PDE3A: variants seen among roughly 807,000 people sequenced by gnomAD.
The protein encoded by PDE3A is phosphodiesterase 3A, also known as cGMP-inhibited 3',5'-cyclic phosphodiesterase 3A.
In PDE3A, 43 loss-of-function variants were observed where a neutral mutation model predicts 98.3. The ratio of observed to expected loss-of-function variants is 0.44; its 90% CI spans 0.34 to 0.56. PDE3A has a LOEUF of 0.56. Ranked by LOEUF, PDE3A falls within the 20% of genes least tolerant of loss-of-function variation. The pLI is 0.01. For missense variants in PDE3A, 1,427 were observed against 1,440.7 expected, an observed-to-expected ratio of 0.99 and a Z score of 0.15; for synonymous variants, 663 against 567.9, an observed-to-expected ratio of 1.17 and a Z score of -2.38.
intron 1 of PDE3A, among the ~76,000 whole-genome samples, chr12:20,545,885 A>G (rs938689747): frequency 5.3e-5 from 8 of 152,020 alleles, no homozygotes; most frequent in Non-Finnish European, 4.4e-5. Context: ...TGTATTTTGT[A>G]TAATGTAATG....
intron 1 of PDE3A, among the ~76,000 whole-genome samples, chr12:20,404,284 T>C (rs1238344019): frequency 6.6e-6 from 1 of 152,152 alleles, no homozygotes; most frequent in Non-Finnish European, 1.5e-5. Context: ...GGATATATTA[T>C]TATTTTTTCC....
intron 1 of PDE3A, among the ~76,000 whole-genome samples, chr12:20,429,230 T>C (rs1017479394): frequency 6.6e-6 from 1 of 152,176 alleles, no homozygotes; most frequent in Non-Finnish European, 1.5e-5. Context: ...TCCTCAATCC[T>C]GTAAAGTTGA....
chr12:20,386,039 A>AAATATATAT (rs1943761888), intron 1 of PDE3A, among the ~76,000 whole-genome samples: 5 of 80,672 alleles, frequency 6.2e-5, no homozygotes, highest in African/African-American at 2.6e-4. Context: ...AAATATATAT[A>AAATATATAT]AAATATATAT....
intron 6 of PDE3A, 71 bp downstream of exon 6, chr12:20,630,198 C>A: frequency 9.1e-7 from 1 of 1,099,198 alleles, no homozygotes; most frequent in Non-Finnish European, 1.4e-6. Flanking sequence ...ATACCTACCA[C>A]CAGCCCACGC....
At chr12:20,650,639 A>G in intron 14 of PDE3A, 39 bp downstream of exon 14, 4 of 1,377,910 alleles carry the variant, frequency 2.9e-6, no homozygotes, top group Non-Finnish European at 4.0e-6. Flanking sequence ...ATCTGTACTT[A>G]CAGGTTGCTC....
rs936246030 is a variant in PDE3A, at chr12:20,391,561, A to G, written c.960+21317A>G. ...ACTACTCTTCTAGACTTGTGTTTAT[A>G]TATCATAGTAAATTTTTGGAGGACT... is the stretch of plus-strand genomic sequence containing the variant. On this transcript the variant is annotated intron_variant, in intron 1 of 15. Transcript: ENST00000359062. Among the ~76,000 whole-genome samples, 3 of 151,366 alleles carry G rather than the reference A, an allele frequency of 2.0e-5. No homozygotes were observed. In the South Asian group the frequency reaches 6.2e-4, roughly 32 times the overall value.
At chr12:20,436,616 T>G (rs1944783027) in intron 1 of PDE3A, among the ~76,000 whole-genome samples, 1 of 152,154 alleles carries the variant, frequency 6.6e-6, no homozygotes, top group African/African-American at 2.4e-5. Context: ...ATTCTGGTTT[T>G]TAGTCACCTT....
Position 20,552,858 on chromosome 12 carries a change from G to A in PDE3A, c.961-3802G>A. 6.2e-7 allele frequency: 1 copy of A among 1,613,928 alleles called. No homozygotes were observed. Among genetic ancestry groups the A allele is most frequent in the Non-Finnish European group, 8.5e-7 (1 of 1,179,854 alleles). ...TCACGACCGTGTGCCAGCACAACGT[G>A]TGCAAGGACTGCCTGGACAGATCCT... On this transcript the variant is annotated intron_variant, in intron 1 of 15. Coordinates refer to ENST00000359062, the MANE Select transcript of PDE3A (RefSeq NM_000921.5). This position sits in a 1 kb window ranked among gnomAD's most constrained non-coding sequence, Gnocchi z 5.1.
At position 20,401,605 on chromosome 12, in the gene PDE3A, C is replaced by T. The variant is rs1712367656; in HGVS notation, c.960+31361C>T. 2.6e-5 allele frequency among the ~76,000 whole-genome samples: 4 copies of T among 152,140 alleles called. No individual in the cohort carries two copies. The South Asian group carries it at 6.2e-4, about 24-fold the overall frequency. Reference sequence around the variant, plus strand: ...AATTCTCATCTCTCTATCCTGATCTCCAACCAGCTTAGGTTGAAATTTTAC... The same window carrying T: ...AATTCTCATCTCTCTATCCTGATCTTCAACCAGCTTAGGTTGAAATTTTAC... On this transcript the variant is annotated intron_variant, in intron 1 of 15. Transcript: ENST00000359062.
chr12:20,386,706 CA>C (rs1290877970), intron 1 of PDE3A, among the ~76,000 whole-genome samples: 1 of 151,950 alleles, frequency 6.6e-6, no homozygotes, highest in Non-Finnish European at 1.5e-5. Context: ...GAATAGATTG[CA>C]AAAATTTTCT....
intron 4 of PDE3A, among the ~76,000 whole-genome samples, chr12:20,617,643 C>T (rs768101978): frequency 2.6e-4 from 40 of 152,056 alleles, no homozygotes; most frequent in African/African-American, 8.5e-4. Context: ...ATGTTTTCAG[C>T]ATGTATCATT....
Position 20,682,578 on chromosome 12 carries a change from G to T in PDE3A, c.*2307G>T, listed in dbSNP as rs933208865. Reference sequence around the variant, plus strand: ...TTAAAATATATTTCAGTATATTTCTGAATTAACACCAGGTCTTCATTATTT... The same window carrying T: ...TTAAAATATATTTCAGTATATTTCTTAATTAACACCAGGTCTTCATTATTT... On this transcript the variant is annotated 3_prime_UTR_variant, in exon 16 of 16. Transcript: ENST00000359062. 33 of 152,280 alleles carry T rather than the reference G, an allele frequency of 2.2e-4. No individual in the cohort carries two copies. Among genetic ancestry groups the T allele is most frequent in the African/African-American group, 6.5e-4 (27 of 41,566 alleles). The allele number at this position is 152,280 out of a possible 1,614,324, so 9.4% of individuals were successfully genotyped here. A position where few individuals can be genotyped will look rare whatever the true frequency, so the allele number is the denominator to read the frequency against.
chr12:20,649,060 G>T (rs1944854064), intron 13 of PDE3A, among the ~76,000 whole-genome samples, 169 bp downstream of exon 13: 1 of 151,182 alleles, frequency 6.6e-6, no homozygotes, highest in South Asian at 2.1e-4. Flanking sequence ...CGAGTAGCTG[G>T]GATTACAGGC....
intron 15 of PDE3A, among the ~76,000 whole-genome samples, chr12:20,667,763 T>C (rs1369050163): frequency 6.6e-6 from 1 of 152,190 alleles, no homozygotes; most frequent in Non-Finnish European, 1.5e-5. Context: ...TCTTTTTTGG[T>C]TCCATAGAGA....
rs1249135924 is a variant in PDE3A, at chr12:20,506,126, G to GTGTA, written c.961-50530_961-50527dup. 1.4e-3 allele frequency among the ~76,000 whole-genome samples: 212 copies of GTGTA among 148,692 alleles called. 1 individual carries two copies. Among genetic ancestry groups the GTGTA allele is most frequent in the African/African-American group, 5.2e-3 (206 of 39,482 alleles). On this transcript the variant is annotated intron_variant, in intron 1 of 15. Transcript: ENST00000359062. Reference sequence around the variant, plus strand: ...TGTGTGTGTGTGTGTGTGTGTGTGTGTGTATGTGTGTGTAGCAGGTTAAAC... The same window carrying GTGTA: ...TGTGTGTGTGTGTGTGTGTGTGTGTGTGTATGTATGTGTGTGTAGCAGGTTAAAC...
At chr12:20,386,220 TA>T (rs1194854197) in intron 1 of PDE3A, among the ~76,000 whole-genome samples, 2 of 37,770 alleles carry the variant, frequency 5.3e-5, no homozygotes, top group Admixed American at 4.8e-4. Flanking sequence ...TATAAATATA[TA>T]AAAAATAAAA....
At chr12:20,597,944 A>AAAAC (rs146876164) in intron 2 of PDE3A, among the ~76,000 whole-genome samples, 1 of 152,168 alleles carries the variant, frequency 6.6e-6, no homozygotes, top group Admixed American at 6.5e-5. Context: ...TTTGCAGTGG[A>AAAAC]AAACAAACAA....
chr12:20,637,193 T>A lies in PDE3A; in HGVS notation c.2095T>A (p.Leu699Ile). Residue 699 changes from leucine to isoleucine, a missense_variant, in exon 9 of 16, where the codon TTA (leucine) becomes ATA (isoleucine). Leu to Ile is a conservative substitution (Grantham distance 5, BLOSUM62 2). Transcript: ENST00000359062. ...TACTTGGAATTTTCCAATTTTTGAT[T>A]TAGTGGAAAATATAGGAAGAAAATG... ...LNTWNFPIFD[L>I]VENIGRKCGR... 6.2e-7 allele frequency: 1 copy of A among 1,609,162 alleles called. No homozygotes were observed. Among genetic ancestry groups the A allele is most frequent in the Non-Finnish European group, 8.5e-7 (1 of 1,176,074 alleles).
chr12:20,593,570 T>G (rs1943393410), intron 2 of PDE3A, among the ~76,000 whole-genome samples: 1 of 151,632 alleles, frequency 6.6e-6, no homozygotes, highest in African/African-American at 2.4e-5. Flanking sequence ...ATGTCAGTCT[T>G]GCATGTAAAT....
Sources: gnomAD v4.1 joint callset for allele counts (sites outside exome capture counted in the v4.1 genomes callset) on GRCh38, gnomAD v4.1.1 for gene constraint, Gnocchi (gnomAD v3.1) non-coding constraint, MANE v1.5 for transcripts, NCBI Gene and HGNC (gene_info 2026-07-23, HGNC 2026-07-21) for gene names.